The following GABRB1 variants were observed in gnomAD, a reference collection of about 807,000 sequenced individuals.
GABRB1 encodes gamma-aminobutyric acid receptor subunit beta-1.
In GABRB1, 17 loss-of-function variants were observed where a neutral mutation model predicts 51.6. The ratio of observed to expected loss-of-function variants is 0.33; its 90% CI spans 0.23 to 0.49. GABRB1 has a LOEUF of 0.49. Ranked by LOEUF, GABRB1 falls within the 20% of genes least tolerant of loss-of-function variation. The pLI, the probability that GABRB1 is intolerant of heterozygous loss-of-function variation, is 0.99. For missense variants in GABRB1, 410 were observed against 600.6 expected, an observed-to-expected ratio of 0.68 and a Z score of 3.32; for synonymous variants, 247 against 218.9, an observed-to-expected ratio of 1.13 and a Z score of -1.14.
At chr4:47,198,304 A>G (rs1294266300) in intron 4 of GABRB1, among the ~76,000 whole-genome samples, 2 of 152,178 alleles carry the variant, frequency 1.3e-5, no homozygotes, top group African/African-American at 4.8e-5. Context: ...AGTACCTCTT[A>G]GTGGGATACT....
At chr4:47,247,993 T>A (rs1479932205) in intron 4 of GABRB1, among the ~76,000 whole-genome samples, 1 of 152,162 alleles carries the variant, frequency 6.6e-6, no homozygotes, top group African/African-American at 2.4e-5. Context: ...CTGATTTGGA[T>A]GCCCTTTGTT....
chr4:47,139,619 C>T (rs1263925654), intron 3 of GABRB1, among the ~76,000 whole-genome samples: 1 of 151,958 alleles, frequency 6.6e-6, no homozygotes, highest in Non-Finnish European at 1.5e-5. Flanking sequence ...CCATTTTTAA[C>T]CAACTCCCCA....
chr4:47,153,467 C>G (rs1717552220), intron 3 of GABRB1, among the ~76,000 whole-genome samples: 1 of 151,918 alleles, frequency 6.6e-6, no homozygotes, highest in Admixed American at 6.6e-5. Flanking sequence ...TTGGATTCAT[C>G]ATCAAAAAAG....
chr4:47,071,185 T>C (rs1216529003), intron 3 of GABRB1, among the ~76,000 whole-genome samples: 3 of 152,190 alleles, frequency 2.0e-5, no homozygotes, highest in African/African-American at 7.2e-5. Flanking sequence ...CAGAGTCTAA[T>C]TACTTCTCCC....
rs182262019 is a variant in GABRB1, at chr4:47,382,180, G to A, written c.545-21138G>A. Among the ~76,000 whole-genome samples, 34 of 152,244 alleles carry A rather than the reference G, an allele frequency of 2.2e-4. No individual in the cohort carries two copies. The East Asian group carries it at 6.6e-3, about 29-fold the overall frequency. On this transcript the variant is annotated intron_variant, in intron 5 of 8. Coordinates refer to ENST00000295454, the MANE Select transcript of GABRB1 (RefSeq NM_000812.4). ...AACATGAGCCATTCTACCAAACACA[G>A]CATCTCATAGCTATAGGCCAGGGTT...
intron 5 of GABRB1, among the ~76,000 whole-genome samples, chr4:47,395,481 C>A (rs1442780614): frequency 6.6e-6 from 1 of 152,260 alleles, no homozygotes; most frequent in African/African-American, 2.4e-5. Context: ...TCCTCCCACA[C>A]GTGGTGATTA....
At chr4:47,296,509 A>G (rs1458476212) in intron 4 of GABRB1, among the ~76,000 whole-genome samples, 1 of 152,204 alleles carries the variant, frequency 6.6e-6, no homozygotes, top group African/African-American at 2.4e-5. Flanking sequence ...AAAGAGACAA[A>G]GAAGGCCATT....
At chr4:47,084,315 C>T (rs1392406764) in intron 3 of GABRB1, among the ~76,000 whole-genome samples, 1 of 152,212 alleles carries the variant, frequency 6.6e-6, no homozygotes, top group Non-Finnish European at 1.5e-5. Context: ...TCTAAGCCAT[C>T]AACTGGTAAT....
At chr4:47,011,511 A>G (rs922651504) in intron 1 of GABRB1, among the ~76,000 whole-genome samples, 1 of 152,168 alleles carries the variant, frequency 6.6e-6, no homozygotes, top group Non-Finnish European at 1.5e-5. Flanking sequence ...TTGTTTGACC[A>G]TTTGGGAAAC....
intron 3 of GABRB1, among the ~76,000 whole-genome samples, chr4:47,033,303 T>G (rs896767519): frequency 6.6e-6 from 1 of 152,172 alleles, no homozygotes; most frequent in Admixed American, 6.5e-5. Context: ...TTCCCTCTCT[T>G]TTTGGAAGCT....
At chr4:47,391,220 T>TC (rs201602058) in intron 5 of GABRB1, among the ~76,000 whole-genome samples, 2,789 of 151,918 alleles carry the variant, frequency 0.018, 94 homozygotes, top group African/African-American at 0.064. Context: ...CTTCTTTTTT[T>TC]CCCCAAATCA....
intron 5 of GABRB1, among the ~76,000 whole-genome samples, chr4:47,400,104 T>A (rs995366130): frequency 6.6e-6 from 1 of 152,240 alleles, no homozygotes; most frequent in Admixed American, 6.5e-5. Flanking sequence ...TTCTTCATGC[T>A]TTCCAAATAT....
chr4:47,130,896 G>T (rs1160143442), intron 3 of GABRB1, among the ~76,000 whole-genome samples: 1 of 152,166 alleles, frequency 6.6e-6, no homozygotes, highest in Non-Finnish European at 1.5e-5. Context: ...TGGTTACAAA[G>T]AAAGTTATTA....
chr4:47,268,301 G>A (rs954760308), intron 4 of GABRB1, among the ~76,000 whole-genome samples: 3 of 152,166 alleles, frequency 2.0e-5, no homozygotes, highest in Non-Finnish European at 2.9e-5. Context: ...TAGACACCCT[G>A]TTGATGTCAG....
At position 47,205,132 on chromosome 4, in the gene GABRB1, GTAA is replaced by G. The variant is rs1720062057; in HGVS notation, c.461+43666_461+43668del. The stretch of plus-strand genomic sequence containing the variant: ...GGCATATGAAATCCATGTGGCAACA[GTAA>G]TAGACTCTACTTCTAATTCTAAGGC... On this transcript the variant is annotated intron_variant, in intron 4 of 8. Transcript: ENST00000295454. Among the ~76,000 whole-genome samples, 9 of 152,254 alleles carry G rather than the reference GTAA, an allele frequency of 5.9e-5. 1 individual carries two copies. Among genetic ancestry groups the G allele is most frequent in the African/African-American group, 2.2e-4 (9 of 41,560 alleles).
intron 1 of GABRB1, among the ~76,000 whole-genome samples, chr4:46,996,457 A>G (rs1724001005): frequency 6.6e-6 from 1 of 152,184 alleles, no homozygotes; most frequent in Non-Finnish European, 1.5e-5. Flanking sequence ...TGGACACTTT[A>G]AAGCCCACAG....
chr4:47,283,607 C>G (rs1183814118), intron 4 of GABRB1, among the ~76,000 whole-genome samples: 1 of 151,504 alleles, frequency 6.6e-6, no homozygotes, highest in African/African-American at 2.4e-5. Context: ...CCAGGATGGT[C>G]TCCATCTCCT....
At chr4:47,015,595 G>T (rs1044639513) in intron 1 of GABRB1, among the ~76,000 whole-genome samples, 2 of 151,988 alleles carry the variant, frequency 1.3e-5, no homozygotes, top group African/African-American at 4.8e-5. Flanking sequence ...CAGCATAAAG[G>T]CTTCCTTTAC....
intron 4 of GABRB1, among the ~76,000 whole-genome samples, chr4:47,254,670 C>T (rs1722133143): frequency 2.0e-5 from 3 of 151,750 alleles, no homozygotes; most frequent in Admixed American, 2.0e-4. Flanking sequence ...CCATGCCCAG[C>T]CAAGGTGGAT....
Sources: gnomAD v4.1 joint callset for allele counts (sites outside exome capture counted in the v4.1 genomes callset) on GRCh38, gnomAD v4.1.1 for gene constraint, MANE v1.5 for transcripts, NCBI Gene and HGNC (gene_info 2026-07-23, HGNC 2026-07-21) for gene names.